MYO18B: variants seen among roughly 807,000 people sequenced by gnomAD.
The protein encoded by MYO18B is unconventional myosin-XVIIIb.
Under a neutral mutation model 273.0 loss-of-function variants are expected in MYO18B, and 204 were observed. That is an observed-to-expected ratio of 0.75 (90% confidence interval 0.67 to 0.84). The LOEUF is 0.84. MYO18B is among the 40% of genes least tolerant of loss of function. The probability of loss-of-function intolerance (pLI) is 0.00; values close to 1 mark genes in which losing one functional copy is unlikely to be tolerated. For missense variants in MYO18B, 3,212 were observed against 3,287.6 expected (o/e 0.98, Z 0.56); for synonymous variants, 1,330 against 1,305.7 (o/e 1.02, Z -0.40).
chr22:25,909,013 G>A (rs1408093360), intron 32 of MYO18B, among the ~76,000 whole-genome samples: 1 of 152,180 alleles, frequency 6.6e-6, no homozygotes, highest in African/African-American at 2.4e-5. Context: ...CTCTTTTCAT[G>A]TCTGTAAATA....
At chr22:25,838,831 G>GTGTAAATATATGTGTGTAATATA (rs2089985782) in intron 17 of MYO18B, among the ~76,000 whole-genome samples, 2 of 151,968 alleles carry the variant, frequency 1.3e-5, no homozygotes, top group African/African-American at 4.8e-5. Flanking sequence ...ATGTGTGTAT[G>GTGTAAATATATGTGTGTAATATA]TCTGTGTGTA....
At chr22:25,989,498 G>A (rs578249281) in intron 39 of MYO18B, among the ~76,000 whole-genome samples, 1 of 152,106 alleles carries the variant, frequency 6.6e-6, no homozygotes, top group East Asian at 1.9e-4. Context: ...ACAGAGTGGA[G>A]CTGGCCGGGC....
intron 20 of MYO18B, among the ~76,000 whole-genome samples, chr22:25,847,943 A>G (rs2090305977): frequency 9.2e-6 from 1 of 108,802 alleles, no homozygotes; most frequent in Non-Finnish European, 1.9e-5. Flanking sequence ...GAAAACACAC[A>G]CACATACACA....
chr22:25,883,136 C>T lies in MYO18B; in HGVS notation c.4314+5088C>T, dbSNP rs1013917658. On this transcript the variant is annotated intron_variant, in intron 25 of 43. Transcript: ENST00000335473. The surrounding 1 kb of genome is among the most constrained non-coding windows in gnomAD (Gnocchi z 7.6). ...TTGGTCTCCAATTCCTGGGCTCAAG[C>T]GATCCTCCTGCCTTGGCCTCCCAGA... Among the ~76,000 whole-genome samples, 1 of 152,076 alleles carries T rather than the reference C, an allele frequency of 6.6e-6. No individual in the cohort carries two copies. Among genetic ancestry groups the T allele is most frequent in the African/African-American group, 2.4e-5 (1 of 41,402 alleles).
intron 11 of MYO18B, among the ~76,000 whole-genome samples, chr22:25,790,805 C>A (rs73879541): frequency 0.026 from 3,888 of 152,216 alleles, 142 homozygotes; most frequent in African/African-American, 0.083. Flanking sequence ...GGACCCACTC[C>A]TTGGGTCCTG....
chr22:26,055,946 T>G, the MYO18B span, among the ~76,000 whole-genome samples: 1 of 152,184 alleles, frequency 6.6e-6, no homozygotes, highest in Non-Finnish European at 1.5e-5. Flanking sequence ...TCATTCTGCT[T>G]GCTTAGGAAA....
intron 16 of MYO18B, among the ~76,000 whole-genome samples, chr22:25,833,768 C>T (rs957648188): frequency 2.6e-5 from 4 of 152,230 alleles, no homozygotes; most frequent in African/African-American, 9.6e-5. Flanking sequence ...GCACATAAGG[C>T]ACCTGGCGTG....
intron 39 of MYO18B, among the ~76,000 whole-genome samples, chr22:25,989,641 AAAAAAAAAAAAG>A (rs2093241242): frequency 6.7e-6 from 1 of 148,826 alleles, no homozygotes; most frequent in Non-Finnish European, 1.5e-5. Context: ...AAAAAAAAAA[AAAAAAAAAAAAG>A]CCAGCGTGGT....
intron 8 of MYO18B, 93 bp downstream of exon 8, chr22:25,777,874 AG>A: frequency 7.8e-7 from 1 of 1,275,472 alleles, no homozygotes; most frequent in Non-Finnish European, 1.1e-6. Flanking sequence ...TCATTCAGCT[AG>A]CATTCACTGA....
chr22:26,030,735 A>C lies in MYO18B; in HGVS notation c.*305A>C. On this transcript the variant is annotated 3_prime_UTR_variant, in exon 44 of 44. Coordinates refer to ENST00000335473, the MANE Select transcript of MYO18B (RefSeq NM_032608.7). Reference sequence around the variant, plus strand: ...AGGACTGTTAGAATAGAACCAACCCAAACTGTGTGTAGTTTGGGGTGTATA... The same window carrying C: ...AGGACTGTTAGAATAGAACCAACCCCAACTGTGTGTAGTTTGGGGTGTATA... The C allele has an allele frequency of 2.5e-6, 1 of 392,320 alleles. No individual in the cohort carries two copies. The highest frequency in any genetic ancestry group is 4.5e-6 in the Non-Finnish European group (1 of 222,590). The allele number at this position is 392,320 out of a possible 1,614,324, so 24.3% of individuals were successfully genotyped here.
At chr22:25,789,489 A>C (rs1384851359) in intron 11 of MYO18B, among the ~76,000 whole-genome samples, 3 of 151,818 alleles carry the variant, frequency 2.0e-5, no homozygotes, top group Non-Finnish European at 4.4e-5. Context: ...TACAAAAATT[A>C]GCCAGGTGTG....
At chr22:25,997,439 G>A (rs558218193) in intron 40 of MYO18B, among the ~76,000 whole-genome samples, 76 of 151,922 alleles carry the variant, frequency 5.0e-4, no homozygotes, top group African/African-American at 1.8e-3. Flanking sequence ...GGCATGGGTC[G>A]CAAGCCCCTG....
At chr22:25,758,291 T>C (rs2086189731) in intron 1 of MYO18B, among the ~76,000 whole-genome samples, 1 of 151,574 alleles carries the variant, frequency 6.6e-6, no homozygotes, top group Non-Finnish European at 1.5e-5. Context: ...GGATTACAGA[T>C]GTGAGCCACC....
At chr22:25,998,782 C>G (rs1244432336) in intron 40 of MYO18B, among the ~76,000 whole-genome samples, 1 of 152,134 alleles carries the variant, frequency 6.6e-6, no homozygotes, top group Non-Finnish European at 1.5e-5. Flanking sequence ...TGCTCCAGGC[C>G]AGGGAGAACA....
In MYO18B at chr22:25,772,591, A is replaced by G. The variant is rs3848858; in HGVS notation, c.1869+81A>G. 0.31 allele frequency: 431,839 copies of G among 1,384,042 alleles called. 72,274 individuals carry two copies. Among genetic ancestry groups the G allele is most frequent in the Middle Eastern group, 0.36 (1,400 of 3,882 alleles). The allele number at this position is 1,384,042 out of a possible 1,614,324, so 85.7% of individuals were successfully genotyped here. ...GGGATCCCTCTGCATCTGAGGTGAC[A>G]GTAGAACCATCAGAGCCCCCAGTCG... On this transcript the variant is annotated intron_variant, in intron 7 of 43. Coordinates refer to ENST00000335473, the MANE Select transcript of MYO18B (RefSeq NM_032608.7).
intron 12 of MYO18B, among the ~76,000 whole-genome samples, chr22:25,815,967 A>G (rs1170907185): frequency 6.6e-6 from 1 of 152,222 alleles, no homozygotes; most frequent in Admixed American, 6.5e-5. Context: ...ATCAATTTAT[A>G]GATGGCACAT....
At position 26,027,723 on chromosome 22, in the gene MYO18B, G is replaced by A. The variant is rs759009249; in HGVS notation, c.*12+33G>A. 16 of 1,540,068 alleles carry A rather than the reference G, an allele frequency of 1.0e-5. No individual in the cohort carries two copies. The highest frequency in any genetic ancestry group is 1.9e-4 in the Middle Eastern group (1 of 5,204). ...CAACAGGCTGGGGCTATTCTTGGGG[G>A]AATGAGAGTTCACCTTGCAGCCTTG... On this transcript the variant is annotated intron_variant, in intron 43 of 43. Coordinates refer to ENST00000335473, the MANE Select transcript of MYO18B (RefSeq NM_032608.7). The surrounding 1 kb of genome is among the most constrained non-coding windows in gnomAD (Gnocchi z 4.1).
chr22:25,926,838 G>A (rs2092428391), intron 34 of MYO18B, among the ~76,000 whole-genome samples: 1 of 152,136 alleles, frequency 6.6e-6, no homozygotes, highest in South Asian at 2.1e-4. Flanking sequence ...CCAAATGGAG[G>A]GACCAGCTGA....
intron 12 of MYO18B, among the ~76,000 whole-genome samples, chr22:25,815,811 G>C (rs139174562): frequency 5.9e-5 from 9 of 152,292 alleles, no homozygotes; most frequent in Middle Eastern, 6.8e-3. Context: ...TTAGTTTGAT[G>C]TTGCTCCAAC....
Sources: gnomAD v4.1 joint callset for allele counts (sites outside exome capture counted in the v4.1 genomes callset) on GRCh38, gnomAD v4.1.1 for gene constraint, Gnocchi (gnomAD v3.1) non-coding constraint, MANE v1.5 for transcripts, NCBI Gene and HGNC (gene_info 2026-07-23, HGNC 2026-07-21) for gene names.